LSAMP: variants seen among roughly 807,000 people sequenced by gnomAD.
LSAMP encodes limbic system associated membrane protein.
A neutral mutation model predicts 38.6 loss-of-function variants in LSAMP; 7 were observed. That is an observed-to-expected ratio of 0.18 (90% CI 0.10 to 0.34). The LOEUF (loss-of-function observed/expected upper bound fraction) is 0.34, where lower values mean the gene tolerates loss of function less well. LSAMP is among the 10% of genes least tolerant of loss of function. The pLI is 1.00. For synonymous variants in LSAMP, 154 were observed against 166.8 expected, an observed-to-expected ratio of 0.92 and a Z score of 0.59; for missense variants, 313 against 420.0, an observed-to-expected ratio of 0.75 and a Z score of 2.23.
intron 1 of LSAMP, among the ~76,000 whole-genome samples, chr3:116,433,692 G>A (rs945430429): frequency 3.3e-5 from 5 of 152,104 alleles, no homozygotes; most frequent in Non-Finnish European, 5.9e-5. Flanking sequence ...TATACCTGTT[G>A]CACACAATCC....
chr3:116,097,845 C>T (rs1708258204), intron 1 of LSAMP, among the ~76,000 whole-genome samples: 1 of 151,958 alleles, frequency 6.6e-6, no homozygotes, highest in African/African-American at 2.4e-5. Flanking sequence ...AAGCAATTCT[C>T]CTGCCTCAGC....
intron 1 of LSAMP, among the ~76,000 whole-genome samples, chr3:116,232,143 A>C (rs2046408521): frequency 6.6e-6 from 1 of 152,226 alleles, no homozygotes; most frequent in East Asian, 1.9e-4. Context: ...ACATTAAATC[A>C]ATAGCTCTCT....
At chr3:115,865,984 T>C (rs974979929) in intron 3 of LSAMP, among the ~76,000 whole-genome samples, 1 of 152,134 alleles carries the variant, frequency 6.6e-6, no homozygotes, top group Non-Finnish European at 1.5e-5. Flanking sequence ...CTCCATTTGT[T>C]GGGTAGCACT....
chr3:115,856,550 C>T (rs1262998321), intron 3 of LSAMP, among the ~76,000 whole-genome samples: 6 of 150,986 alleles, frequency 4.0e-5, no homozygotes, highest in African/African-American at 7.3e-5. Flanking sequence ...ACCTGGGAGG[C>T]GGAGGTTGCA....
intron 4 of LSAMP, among the ~76,000 whole-genome samples, chr3:115,847,262 A>G (rs771028321): frequency 1.6e-4 from 25 of 152,126 alleles, no homozygotes; most frequent in Admixed American, 1.2e-3. Flanking sequence ...TTGGTCTCCC[A>G]TGGGTAGTGT....
At chr3:116,293,844 T>TATTA (rs2047297569) in intron 1 of LSAMP, among the ~76,000 whole-genome samples, 1 of 152,148 alleles carries the variant, frequency 6.6e-6, no homozygotes, top group African/African-American at 2.4e-5. Flanking sequence ...TATATGCATG[T>TATTA]ATTATTTTGA....
chr3:116,117,283 C>A (rs1194203463), intron 1 of LSAMP, among the ~76,000 whole-genome samples: 1 of 152,136 alleles, frequency 6.6e-6, no homozygotes, highest in Non-Finnish European at 1.5e-5. Context: ...CTGTTTATTG[C>A]AGGAGCCCCT....
At chr3:116,122,561 C>G (rs1708908377) in intron 1 of LSAMP, among the ~76,000 whole-genome samples, 1 of 152,142 alleles carries the variant, frequency 6.6e-6, no homozygotes, top group Non-Finnish European at 1.5e-5. Flanking sequence ...TCACATTCAG[C>G]CATCTCATCT....
At chr3:115,913,157 C>G (rs1937170562) in intron 3 of LSAMP, among the ~76,000 whole-genome samples, 3 of 152,112 alleles carry the variant, frequency 2.0e-5, no homozygotes, top group Non-Finnish European at 2.9e-5. Context: ...TAGCACAAGT[C>G]TATAGCGAAG....
chr3:116,392,194 G>A (rs1042534258), intron 1 of LSAMP, among the ~76,000 whole-genome samples: 2 of 152,196 alleles, frequency 1.3e-5, no homozygotes, highest in East Asian at 1.9e-4. Flanking sequence ...ACAAGCGGGA[G>A]CCCTGCCCAT....
At chr3:116,318,135 C>CA (rs373392802) in intron 1 of LSAMP, among the ~76,000 whole-genome samples, 61,304 of 101,598 alleles carry the variant, frequency 0.6, 19,116 homozygotes, top group East Asian at 0.85. Context: ...GACTCCATCT[C>CA]AAAAAAAAAA....
At chr3:116,138,705 A>G (rs1328704440) in intron 1 of LSAMP, among the ~76,000 whole-genome samples, 1 of 152,052 alleles carries the variant, frequency 6.6e-6, no homozygotes, top group Non-Finnish European at 1.5e-5. Context: ...CATGTATTTA[A>G]TTTATAGAAA....
chr3:116,425,089 T>C (rs1576214775), intron 1 of LSAMP, among the ~76,000 whole-genome samples: 2 of 152,058 alleles, frequency 1.3e-5, no homozygotes, highest in East Asian at 3.9e-4. Context: ...ATGGTGCCTC[T>C]AAATCATAAA....
intron 6 of LSAMP, among the ~76,000 whole-genome samples, chr3:115,811,241 G>A (rs915781725): frequency 1.3e-5 from 2 of 152,118 alleles, no homozygotes; most frequent in Non-Finnish European, 2.9e-5. Flanking sequence ...TGGGGGATGT[G>A]GGTGTGGGTC....
At chr3:116,378,988 A>AACACACACACAC (rs3028640) in intron 1 of LSAMP, among the ~76,000 whole-genome samples, 21 of 137,042 alleles carry the variant, frequency 1.5e-4, no homozygotes, top group African/African-American at 4.4e-4. Context: ...AATTGCTCAG[A>AACACACACACAC]ACACACACAC....
intron 3 of LSAMP, among the ~76,000 whole-genome samples, chr3:115,876,065 C>A (rs1202114726): frequency 1.3e-5 from 2 of 151,732 alleles, no homozygotes; most frequent in African/African-American, 4.8e-5. Context: ...AATGAGAGCT[C>A]TGTTGAGGAG....
chr3:115,932,916 C>G (rs1363489190), intron 3 of LSAMP, among the ~76,000 whole-genome samples: 1 of 152,134 alleles, frequency 6.6e-6, no homozygotes, highest in Non-Finnish European at 1.5e-5. Context: ...TCTCTTCCTG[C>G]TGAACAGTGG....
At chr3:116,086,840 T>C (rs1232547185) in intron 1 of LSAMP, among the ~76,000 whole-genome samples, 1 of 152,210 alleles carries the variant, frequency 6.6e-6, no homozygotes, top group South Asian at 2.1e-4. Flanking sequence ...CATTATCTTC[T>C]TCTTGTTTAG....
At chr3:116,371,784 C>T (rs192886703) in intron 1 of LSAMP, among the ~76,000 whole-genome samples, 3 of 152,072 alleles carry the variant, frequency 2.0e-5, no homozygotes, top group Middle Eastern at 3.4e-3. Context: ...CTATAGACTA[C>T]TACAAAGATC....
Sources: gnomAD v4.1 joint callset for allele counts (sites outside exome capture counted in the v4.1 genomes callset) on GRCh38, gnomAD v4.1.1 for gene constraint, MANE v1.5 for transcripts, NCBI Gene and HGNC (gene_info 2026-07-23, HGNC 2026-07-21) for gene names.